The following MTMR2 variants were observed in gnomAD, a reference collection of about 807,000 sequenced individuals.
MTMR2 encodes the protein myotubularin related protein 2, also known as phosphatidylinositol-3,5-bisphosphate 3-phosphatase MTMR2.
A neutral mutation model predicts 86.9 loss-of-function variants in MTMR2; 55 were observed. The ratio of observed to expected loss-of-function variants is 0.63; its 90% CI spans 0.51 to 0.79. The LOEUF is 0.79. Among genes scored for constraint, MTMR2 ranks in the 30% least tolerant of loss-of-function variants. The pLI is 0.00. For synonymous variants in MTMR2, 241 were observed against 266.8 expected (o/e 0.90, Z 0.94); for missense variants, 659 against 772.3 (o/e 0.85, Z 1.74).
At chr11:95,844,158 G>A (rs1863669051) in intron 11 of MTMR2, among the ~76,000 whole-genome samples, 1 of 151,988 alleles carries the variant, frequency 6.6e-6, no homozygotes, top group African/African-American at 2.4e-5. Context: ...ATATAAACAT[G>A]TGCAGCTTTG....
rs1006077349 is a variant in MTMR2, at chr11:95,833,898, G to T, written c.*1392C>A. On this transcript the variant is annotated 3_prime_UTR_variant, in exon 15 of 15. Coordinates refer to ENST00000346299, the MANE Select transcript of MTMR2 (RefSeq NM_016156.6). ...TCCTCACTGCAAGACCAAGAGGGAGGCTAAGGTTCAGACTCTCTGTATAGT... is the reference window on the plus strand; with the variant it reads ...TCCTCACTGCAAGACCAAGAGGGAGTCTAAGGTTCAGACTCTCTGTATAGT... 4.0e-5 allele frequency: 6 copies of T among 151,784 alleles called. No homozygotes were observed. The highest frequency in any genetic ancestry group is 2.6e-4 in the Admixed American group (4 of 15,166). The allele number at this position is 151,784 out of a possible 1,614,324, so 9.4% of individuals were successfully genotyped here. A position where few individuals can be genotyped will look rare whatever the true frequency, so the allele number is the denominator to read the frequency against.
At chr11:95,847,387 G>A (rs1863836091) in intron 10 of MTMR2, among the ~76,000 whole-genome samples, 1 of 152,108 alleles carries the variant, frequency 6.6e-6, no homozygotes, top group African/African-American at 2.4e-5. Flanking sequence ...GAAAGACAGG[G>A]TAAAGAGTTC....
chr11:95,892,908 G>C (rs986712963), intron 1 of MTMR2, among the ~76,000 whole-genome samples: 7 of 152,074 alleles, frequency 4.6e-5, no homozygotes, highest in African/African-American at 1.7e-4. Context: ...TTTAATAAGA[G>C]ACTCTTTTCT....
chr11:95,900,227 T>C (rs1866021918), intron 1 of MTMR2, among the ~76,000 whole-genome samples: 1 of 152,152 alleles, frequency 6.6e-6, no homozygotes, highest in African/African-American at 2.4e-5. Flanking sequence ...TCAAAGTGGA[T>C]ATATTCATTA....
At position 95,917,523 on chromosome 11, in the gene MTMR2, C is replaced by T. The variant is rs560896023; in HGVS notation, c.80+6352G>A. On this transcript the variant is annotated intron_variant, in intron 1 of 14. Coordinates refer to ENST00000346299, the MANE Select transcript of MTMR2 (RefSeq NM_016156.6). Reference sequence around the variant, plus strand: ...CAGGAGTTGGGGTGCTGACCTTCAACGCAGCTGAAAATCCGCATATAATTT... The same window carrying T: ...CAGGAGTTGGGGTGCTGACCTTCAATGCAGCTGAAAATCCGCATATAATTT... Among the ~76,000 whole-genome samples, 24 of 152,222 alleles carry T rather than the reference C, an allele frequency of 1.6e-4. No homozygotes were observed. The East Asian group carries it at 2.5e-3, about 16-fold the overall frequency.
chr11:95,921,430 C>T (rs1233837123), intron 1 of MTMR2, among the ~76,000 whole-genome samples: 1 of 152,120 alleles, frequency 6.6e-6, no homozygotes, highest in Non-Finnish European at 1.5e-5. Context: ...TTTGCTTTGT[C>T]AAAGGCTAAT....
intron 10 of MTMR2, 86 bp from the exon 11 acceptor site, chr11:95,845,245 T>A (rs1863737183): frequency 1.7e-5 from 19 of 1,118,228 alleles, no homozygotes; most frequent in Admixed American, 5.9e-5. Context: ...TTATCAGGGA[T>A]CATTATTTCA....
At chr11:95,922,356 G>A (rs1226955606) in intron 1 of MTMR2, among the ~76,000 whole-genome samples, 2 of 152,164 alleles carry the variant, frequency 1.3e-5, no homozygotes, top group Non-Finnish European at 2.9e-5. Flanking sequence ...AGGCATAGTT[G>A]TCATTTGTAA....
rs1863279650 is a variant in MTMR2 at position 95,836,289 on chromosome 11, G to A, written c.1629C>T (p.Tyr543=). The change falls in exon 14 of 15, where the codon TAC becomes TAT. Residue 543 remains tyrosine, a synonymous_variant. Coordinates refer to ENST00000346299, the MANE Select transcript of MTMR2 (RefSeq NM_016156.6). ...LPKRTVSLWS[Y]INSQLEDFTN... ...TGAAGTCTTCCAGCTGGCTGTTTATGTAAGACCACAGTGACACAGTCCTTT... is the reference window on the plus strand; with the variant it reads ...TGAAGTCTTCCAGCTGGCTGTTTATATAAGACCACAGTGACACAGTCCTTT... 6.2e-7 allele frequency: 1 copy of A among 1,612,948 alleles called. No individual in the cohort carries two copies. Among genetic ancestry groups the A allele is most frequent in the African/African-American group, 1.3e-5 (1 of 74,966 alleles).
chr11:95,917,378 G>T (rs1385609202), intron 1 of MTMR2, among the ~76,000 whole-genome samples: 1 of 152,094 alleles, frequency 6.6e-6, no homozygotes, highest in Non-Finnish European at 1.5e-5. Flanking sequence ...TAAACTTACT[G>T]CTTTCTGGTC....
chr11:95,835,386 C>A lies in MTMR2; in HGVS notation c.1836G>T (p.Glu612Asp), dbSNP rs1428172081. 1.2e-6 allele frequency: 2 copies of A among 1,613,212 alleles called. No individual in the cohort carries two copies. The highest frequency in any genetic ancestry group is 1.7e-4 in the Middle Eastern group (1 of 6,054). Residue 612 changes from glutamate to aspartate, a missense_variant, in exon 15 of 15, where the codon GAG (glutamate) becomes GAT (aspartate). Around this residue, in one of 3 missense-constraint regions of MTMR2, gnomAD observed 193 missense variants for 191.6 expected, o/e 1.01. Transcript: ENST00000346299. Reference protein sequence around the residue: ...AKRAELQKKVEELQREISNRS... With the variant: ...AKRAELQKKVDELQREISNRS... ...GGTTAGAAATCTCTCTCTGTAGTTC[C>A]TCTACTTTTTTCTGAAGCTCTGCTC...
At chr11:95,899,328 C>G (rs1034820439) in intron 1 of MTMR2, among the ~76,000 whole-genome samples, 6 of 152,072 alleles carry the variant, frequency 3.9e-5, no homozygotes, top group East Asian at 3.9e-4. Context: ...ATCAGTGTGC[C>G]AAATTAGACA....
chr11:95,917,822 A>G (rs1202145425), intron 1 of MTMR2, among the ~76,000 whole-genome samples: 2 of 152,152 alleles, frequency 1.3e-5, no homozygotes, highest in Non-Finnish European at 2.9e-5. Context: ...TTGCTGTGTC[A>G]GGGGTGGCAG....
intron 1 of MTMR2, 87 bp downstream of exon 1, chr11:95,923,788 C>A: frequency 6.6e-7 from 1 of 1,509,642 alleles, no homozygotes; most frequent in Non-Finnish European, 8.9e-7. Flanking sequence ...AAACCAGAAT[C>A]CGCGAATTGG....
At chr11:95,856,566 A>T (rs1864224339) in intron 7 of MTMR2, among the ~76,000 whole-genome samples, 1 of 151,092 alleles carries the variant, frequency 6.6e-6, no homozygotes, top group African/African-American at 2.4e-5. Flanking sequence ...CAACAAATTC[A>T]TCTAGTAAGT....
chr11:95,872,487 T>A lies in MTMR2; in HGVS notation c.187-6811A>T, dbSNP rs550879160. On this transcript the variant is annotated intron_variant, in intron 2 of 14. Transcript: ENST00000346299. ...TTGTATCCTGAGACTTTGCTGAAGT[T>A]GCTTATCAGCTTAAGGAGATTTTGG... 3.5e-3 allele frequency among the ~76,000 whole-genome samples: 526 copies of A among 152,352 alleles called. 4 individuals are homozygous for A. Among genetic ancestry groups the A allele is most frequent in the African/African-American group, 0.012 (506 of 41,586 alleles).
intron 2 of MTMR2, among the ~76,000 whole-genome samples, chr11:95,886,605 C>A (rs1451769796): frequency 6.6e-6 from 1 of 152,122 alleles, no homozygotes; most frequent in Non-Finnish European, 1.5e-5. Context: ...CACAAGTATA[C>A]ACAAATGATT....
At chr11:95,905,120 C>G (rs1866208002) in intron 1 of MTMR2, among the ~76,000 whole-genome samples, 1 of 152,060 alleles carries the variant, frequency 6.6e-6, no homozygotes, top group Admixed American at 6.6e-5. Context: ...TTCTCCTATT[C>G]CCTAGCCAAT....
At chr11:95,866,946 T>A (rs1864638880) in intron 2 of MTMR2, among the ~76,000 whole-genome samples, 1 of 151,978 alleles carries the variant, frequency 6.6e-6, no homozygotes, top group Non-Finnish European at 1.5e-5. Context: ...TAGGTTGTTA[T>A]GAAAATTAAA....
Sources: gnomAD v4.1 joint callset for allele counts (sites outside exome capture counted in the v4.1 genomes callset) on GRCh38, gnomAD v4.1.1 for gene constraint, gnomAD v4.1.1 regional missense constraint, MANE v1.5 for transcripts, NCBI Gene and HGNC (gene_info 2026-07-23, HGNC 2026-07-21) for gene names.